Variants in GALNT10 observed in about 807,000 individuals in gnomAD.
The protein encoded by GALNT10 is GalNAc transferase 10.
GALNT10 carries 41 observed loss-of-function variants against 75.0 expected under a neutral mutation model. The observed-to-expected ratio is 0.55, with a 90% CI of 0.43 to 0.71. The LOEUF (loss-of-function observed/expected upper bound fraction) is 0.71. Among genes scored for constraint, GALNT10 ranks in the 30% least tolerant of loss-of-function variants. The probability of loss-of-function intolerance (pLI) is 0.00; values close to 1 mark genes in which losing one functional copy is unlikely to be tolerated. For missense variants in GALNT10, 727 were observed against 818.5 expected (o/e 0.89, Z 1.36); for synonymous variants, 302 against 313.0 (o/e 0.96, Z 0.37).
intron 3 of GALNT10, among the ~76,000 whole-genome samples, chr5:154,317,663 A>T (rs1016553908): frequency 6.6e-6 from 1 of 152,200 alleles, no homozygotes; most frequent in African/African-American, 2.4e-5. Flanking sequence ...TGGGTCCAAA[A>T]CAGATTCATT....
At chr5:154,367,686 C>G (rs1412840399) in intron 4 of GALNT10, among the ~76,000 whole-genome samples, 3 of 152,044 alleles carry the variant, frequency 2.0e-5, no homozygotes, top group Non-Finnish European at 2.9e-5. Context: ...AACCTCGTCT[C>G]TACTGAAAAT....
intron 1 of GALNT10, among the ~76,000 whole-genome samples, chr5:154,213,820 T>C (rs1232256197): frequency 6.6e-6 from 1 of 152,206 alleles, no homozygotes; most frequent in Non-Finnish European, 1.5e-5. Flanking sequence ...TGGCCTCAAG[T>C]GATCCTCCTG....
intron 3 of GALNT10, among the ~76,000 whole-genome samples, chr5:154,326,131 G>A (rs912035400): frequency 6.6e-6 from 1 of 151,112 alleles, no homozygotes; most frequent in Non-Finnish European, 1.5e-5. Flanking sequence ...CAGAGAAGAT[G>A]TACAAATGGC....
At chr5:154,275,565 A>G (rs1753937598) in intron 1 of GALNT10, among the ~76,000 whole-genome samples, 1 of 152,202 alleles carries the variant, frequency 6.6e-6, no homozygotes, top group Non-Finnish European at 1.5e-5. Context: ...CAAATCTACA[A>G]TTTGAGCAGG....
At position 154,230,511 on chromosome 5, in the gene GALNT10, G is replaced by T. The variant is rs547817246; in HGVS notation, c.159+39486G>T. Among the ~76,000 whole-genome samples the T allele has an allele frequency of 2.0e-3, 306 of 152,234 alleles. 1 individual carries two copies. The highest frequency in any genetic ancestry group is 6.9e-3 in the African/African-American group (288 of 41,542). On this transcript the variant is annotated intron_variant, in intron 1 of 11. Coordinates refer to ENST00000297107, the MANE Select transcript of GALNT10 (RefSeq NM_198321.4). Reference sequence around the variant, plus strand: ...CTTGGTATGCAGCAAGACTTTCAAGGCCCCAAATCTGCACCATAGGCTTCT... The same window carrying T: ...CTTGGTATGCAGCAAGACTTTCAAGTCCCCAAATCTGCACCATAGGCTTCT...
intron 4 of GALNT10, among the ~76,000 whole-genome samples, chr5:154,336,189 C>T (rs1446635445): frequency 6.6e-6 from 1 of 152,168 alleles, no homozygotes; most frequent in Admixed American, 6.5e-5. Flanking sequence ...TGCTGAATAA[C>T]ATTCCATTGT....
At chr5:154,358,465 C>T (rs1020728283) in intron 4 of GALNT10, among the ~76,000 whole-genome samples, 1 of 152,166 alleles carries the variant, frequency 6.6e-6, no homozygotes, top group Non-Finnish European at 1.5e-5. Context: ...TTATTATTCC[C>T]ACTTTGCAGA....
rs1756616671 is a variant in GALNT10 at position 154,420,984 on chromosome 5, A to G, written c.*4012A>G. On this transcript the variant is annotated 3_prime_UTR_variant, in exon 12 of 12. Coordinates refer to ENST00000297107, the MANE Select transcript of GALNT10 (RefSeq NM_198321.4). The stretch of plus-strand genomic sequence containing the variant: ...GAGTAAACCTCCAGACTTTCTCTAA[A>G]GTGGTCTCTGCCTTCTTCCTTCTCA... 1.3e-5 allele frequency: 2 copies of G among 152,276 alleles called. No homozygotes were observed. The highest frequency in any genetic ancestry group is 4.1e-4 in the South Asian group (2 of 4,832). The allele number at this position is 152,276 out of a possible 1,614,324, so 9.4% of individuals were successfully genotyped here. A position where few individuals can be genotyped will look rare whatever the true frequency, so the allele number is the denominator to read the frequency against.
At chr5:154,410,377 C>CAAA (rs58402180) in intron 9 of GALNT10, among the ~76,000 whole-genome samples, 1 of 87,004 alleles carries the variant, frequency 1.1e-5, no homozygotes, top group African/African-American at 3.7e-5. Flanking sequence ...CCTGTCTCTA[C>CAAA]AAAAAAAAAA....
chr5:154,288,357 A>G (rs1754142917), intron 1 of GALNT10, among the ~76,000 whole-genome samples: 1 of 151,890 alleles, frequency 6.6e-6, no homozygotes, highest in South Asian at 2.1e-4. Flanking sequence ...TCCTACCTCC[A>G]AAGGCTGCCA....
intron 1 of GALNT10, among the ~76,000 whole-genome samples, chr5:154,254,456 A>T (rs914798312): frequency 6.6e-6 from 1 of 151,642 alleles, no homozygotes; most frequent in Non-Finnish European, 1.5e-5. Flanking sequence ...TGTTTTTTGC[A>T]GCCCTTTTGG....
Position 154,293,609 on chromosome 5 carries a change from A to G in GALNT10, c.160-1207A>G, listed in dbSNP as rs1036848866. Among the ~76,000 whole-genome samples, 135 of 122,786 alleles carry G rather than the reference A, an allele frequency of 1.1e-3. 3 individuals are homozygous for G. The highest frequency in any genetic ancestry group is 4.4e-3 in the African/African-American group (131 of 29,926). The allele number at this position is 122,786 out of a possible 152,430, so 80.6% of individuals were successfully genotyped here. On this transcript the variant is annotated intron_variant, in intron 1 of 11. Transcript: ENST00000297107. ...TCTTGGGGCTGATATATATATATAT[A>G]TATATTTTTTTTTTCCTTTCAGCCA... is the stretch of plus-strand genomic sequence containing the variant.
intron 6 of GALNT10, among the ~76,000 whole-genome samples, chr5:154,384,035 G>A (rs558880238): frequency 3.9e-4 from 59 of 152,248 alleles, no homozygotes; most frequent in Non-Finnish European, 8.4e-4. Flanking sequence ...GAGAAGTGCT[G>A]AGCAAAGAGG....
chr5:154,405,707 G>A (rs922861800), intron 8 of GALNT10, among the ~76,000 whole-genome samples: 3 of 152,062 alleles, frequency 2.0e-5, no homozygotes, highest in African/African-American at 7.2e-5. Flanking sequence ...ATAGCCGGGC[G>A]CAGTGGTGTG....
At chr5:154,316,191 A>T (rs1035592509) in intron 3 of GALNT10, among the ~76,000 whole-genome samples, 12 of 152,200 alleles carry the variant, frequency 7.9e-5, no homozygotes, top group African/African-American at 2.9e-4. Context: ...GCCAACAGGC[A>T]CCACTTGGAA....
intron 4 of GALNT10, among the ~76,000 whole-genome samples, chr5:154,331,676 G>A (rs905760641): frequency 1.3e-5 from 2 of 152,206 alleles, no homozygotes; most frequent in African/African-American, 2.4e-5. Flanking sequence ...AGGGGAGTCA[G>A]GGATGAGTAT....
At chr5:154,267,306 GA>G (rs1370290408) in intron 1 of GALNT10, among the ~76,000 whole-genome samples, 2 of 152,170 alleles carry the variant, frequency 1.3e-5, no homozygotes, top group Admixed American at 6.5e-5. Context: ...GTTTTTTGGG[GA>G]AAGTGGTAGC....
chr5:154,394,429 C>T (rs1006384744), intron 7 of GALNT10, among the ~76,000 whole-genome samples: 4 of 151,558 alleles, frequency 2.6e-5, no homozygotes, highest in South Asian at 2.1e-4. Flanking sequence ...CACCCAGAAG[C>T]TGAGCAAGGG....
chr5:154,340,623 A>G (rs1755019559), intron 4 of GALNT10, among the ~76,000 whole-genome samples: 1 of 152,218 alleles, frequency 6.6e-6, no homozygotes, highest in African/African-American at 2.4e-5. Flanking sequence ...AGTAGGCATT[A>G]GTTCTAAGCT....
Sources: allele counts gnomAD v4.1 joint callset (sites outside exome capture counted in the v4.1 genomes callset), GRCh38; gene constraint gnomAD v4.1.1; transcripts MANE v1.5; gene names NCBI Gene and HGNC (gene_info 2026-07-23, HGNC 2026-07-21).